RUFY4: variants seen among roughly 807,000 people sequenced by gnomAD.
RUFY4 encodes RUN and FYVE domain-containing protein 4.
A neutral mutation model predicts 69.0 loss-of-function variants in RUFY4; 73 were observed. The ratio of observed to expected loss-of-function variants is 1.06; its 90% CI spans 0.88 to 1.29. The LOEUF is 1.29. RUFY4 is among the 50% of genes most tolerant of loss of function. The pLI, the probability that RUFY4 is intolerant of heterozygous loss-of-function variation, is 0.00. For synonymous variants in RUFY4, 287 were observed against 271.8 expected (o/e 1.06, Z -0.55); for missense variants, 770 against 705.6 (o/e 1.09, Z -1.03).
exon 7 of RUFY4, chr2:218,075,170 T>C (rs1411316426): frequency 7.7e-6 from 12 of 1,556,666 alleles, no homozygotes; most frequent in Non-Finnish European, 1.0e-5. Context: ...GTCTGCAAGA[T>C]GCACCCAGTG....
rs1020842393 is a variant in RUFY4 at position 218,075,211 on chromosome 2, A to C, written c.719A>C (p.Gln240Pro). The change falls in exon 7 of 11, where the codon CAG becomes CCG. Residue 240 changes from glutamine to proline, a missense_variant. By Grantham distance (76) the Gln-to-Pro change is moderately conservative (BLOSUM62 -1). Transcript: ENST00000344321. Reference sequence around the variant, plus strand: ...CAGCTGGCAGGGCTTCCCAGGTCCCAGCAACAAAGGCATCTTCCTTTCTTT... The same window carrying C: ...CAGCTGGCAGGGCTTCCCAGGTCCCCGCAACAAAGGCATCTTCCTTTCTTT... 9.6e-6 allele frequency: 15 copies of C among 1,560,484 alleles called. No individual in the cohort carries two copies. Among genetic ancestry groups the C allele is most frequent in the African/African-American group, 1.4e-5 (1 of 73,420 alleles).
chr2:218,067,560 A>C (rs934066230), upstream of RUFY4, among the ~76,000 whole-genome samples: 3 of 152,206 alleles, frequency 2.0e-5, no homozygotes, highest in African/African-American at 7.2e-5. Flanking sequence ...CCCCCACTGG[A>C]GCCAGAGTCA....
At chr2:218,068,161 T>G (rs866165342), upstream of RUFY4, among the ~76,000 whole-genome samples, 12,414 of 45,036 alleles carry the variant, frequency 0.28, 674 homozygotes, top group East Asian at 0.33. Context: ...GACTGGAGGA[T>G]GGCAGGGGGT....
In RUFY4 at chr2:218,089,660, C is replaced by T; in HGVS notation, c.1614-292C>T. Reference sequence around the variant, plus strand: ...GGGAGCATCTGTACAGCGTAAGCTGCTCCCCCTCCTTCCTCTGTGAGCACA... The same window carrying T: ...GGGAGCATCTGTACAGCGTAAGCTGTTCCCCCTCCTTCCTCTGTGAGCACA... On this transcript the variant is annotated intron_variant, in intron 10 of 10. Coordinates refer to ENST00000344321, the Ensembl canonical transcript of RUFY4. 8.5e-6 allele frequency: 6 copies of T among 702,806 alleles called. 1 individual carries two copies. Among genetic ancestry groups the T allele is most frequent in the Non-Finnish European group, 1.6e-5 (6 of 384,814 alleles). The allele number at this position is 702,806 out of a possible 1,614,324, so 43.5% of individuals were successfully genotyped here.
chr2:218,035,255 A>G (rs1382906609), intron 1 of RUFY4: 1 of 152,042 alleles, frequency 6.6e-6, no homozygotes, highest in Non-Finnish European at 1.5e-5. Context: ...AGGGGAGGAA[A>G]ATGCCTGGCA....
At chr2:218,038,793 G>T (rs1161392796) in intron 2 of RUFY4, among the ~76,000 whole-genome samples, 1 of 152,112 alleles carries the variant, frequency 6.6e-6, no homozygotes, top group Non-Finnish European at 1.5e-5. Context: ...TTTCCTCATG[G>T]CCCCATGATG....
At chr2:218,070,625 T>C (rs1320541199) in exon 1 of RUFY4, 1 of 1,537,594 alleles carries the variant, frequency 6.5e-7, no homozygotes, top group East Asian at 2.4e-5. Context: ...GAGGGAGCCA[T>C]CCTCAAGGTC....
chr2:218,060,942 T>C (rs763360901), intron 3 of RUFY4: 7 of 876,982 alleles, frequency 8.0e-6, no homozygotes, highest in Admixed American at 1.7e-5. Context: ...CTTGACCAAG[T>C]GGCGCTGCTG....
intron 2 of RUFY4, among the ~76,000 whole-genome samples, chr2:218,043,631 TGTC>T (rs1312219473): frequency 6.6e-6 from 1 of 152,186 alleles, no homozygotes; most frequent in African/African-American, 2.4e-5. Context: ...GGGTATGCAT[TGTC>T]TTCAGATGGG....
At chr2:218,089,646 T>C (rs1345886833) in intron 10 of RUFY4, 2 of 701,908 alleles carry the variant, frequency 2.8e-6, no homozygotes, top group Non-Finnish European at 5.2e-6. Flanking sequence ...GGAGCATCTG[T>C]ACAGCGTAAG....
intron 2 of RUFY4, among the ~76,000 whole-genome samples, chr2:218,049,379 T>C (rs970733797): frequency 7.2e-5 from 11 of 152,154 alleles, no homozygotes; most frequent in African/African-American, 2.2e-4. Flanking sequence ...AGGTTGAAAG[T>C]TTTTCCTTCA....
intron 9 of RUFY4, among the ~76,000 whole-genome samples, chr2:218,085,691 C>G (rs1367120364): frequency 2.0e-5 from 3 of 152,162 alleles, no homozygotes; most frequent in Non-Finnish European, 2.9e-5. Context: ...GCCTGCCTCC[C>G]CACATGCAGA....
chr2:218,066,177 CTTT>C (rs58665951), upstream of RUFY4, among the ~76,000 whole-genome samples: 86 of 74,442 alleles, frequency 1.2e-3, no homozygotes, highest in East Asian at 5.0e-3. Context: ...CTTTTCTTTT[CTTT>C]TTTTTTTTTT....
chr2:218,042,926 T>C (rs1204472013), intron 2 of RUFY4, among the ~76,000 whole-genome samples: 1 of 152,232 alleles, frequency 6.6e-6, no homozygotes, highest in African/African-American at 2.4e-5. Flanking sequence ...AATTATTTTG[T>C]TTCTACAAAA....
rs1332430700 is a variant in RUFY4 at position 218,040,549 on chromosome 2, C to T, written c.-1158+5155C>T. 2.6e-5 allele frequency among the ~76,000 whole-genome samples: 4 copies of T among 152,068 alleles called. No individual in the cohort carries two copies. The South Asian group carries it at 8.3e-4, about 32-fold the overall frequency. On this transcript the variant is annotated intron_variant and NMD_transcript_variant, in intron 2 of 13. Transcript: ENST00000457754. Reference sequence around the variant, plus strand: ...TGAGGATTTCTGATAAACTGGTTGCCCTCCTCCTGCCTTATGACCATGTAC... The same window carrying T: ...TGAGGATTTCTGATAAACTGGTTGCTCTCCTCCTGCCTTATGACCATGTAC...
intron 2 of RUFY4, among the ~76,000 whole-genome samples, chr2:218,053,341 T>G (rs1266666135): frequency 7.4e-6 from 1 of 136,002 alleles, no homozygotes; most frequent in Non-Finnish European, 1.5e-5. Flanking sequence ...GAAATGATAT[T>G]AAACCTTTTT....
intron 9 of RUFY4, among the ~76,000 whole-genome samples, chr2:218,088,968 CCT>C (rs36011581): frequency 6.0e-5 from 9 of 149,358 alleles, no homozygotes; most frequent in Admixed American, 6.7e-5. Flanking sequence ...TCTCTCCACC[CCT>C]CTCTCTCTCT....
chr2:218,060,076 ACATAGAGTGCC>A, intron 3 of RUFY4: 1 of 291,016 alleles, frequency 3.4e-6, no homozygotes, highest in Non-Finnish European at 6.8e-6. Flanking sequence ...ACTTCTTAGA[ACATAGAGTGCC>A]ATGAGCTCAA....
At chr2:218,080,603 C>A (rs372550698) in intron 8 of RUFY4, among the ~76,000 whole-genome samples, 4 of 152,180 alleles carry the variant, frequency 2.6e-5, no homozygotes, top group Non-Finnish European at 5.9e-5. Flanking sequence ...GTGTCCTCTG[C>A]GCTGGGAATA....
Sources: allele counts gnomAD v4.1 joint callset (sites outside exome capture counted in the v4.1 genomes callset), GRCh38; gene constraint gnomAD v4.1.1; transcripts MANE v1.5; gene names NCBI Gene and HGNC (gene_info 2026-07-23, HGNC 2026-07-21).